CNIH3: variants seen among roughly 807,000 people sequenced by gnomAD.
The protein encoded by CNIH3 is protein cornichon homolog 3.
CNIH3 carries 14 observed loss-of-function variants against 24.1 expected under a neutral mutation model. The observed-to-expected ratio is 0.58, with a 90% confidence interval of 0.38 to 0.91. CNIH3 has a LOEUF of 0.91. Ranked by LOEUF, CNIH3 falls within the 40% of genes least tolerant of loss-of-function variation. The probability of loss-of-function intolerance (pLI) is 0.00; values close to 1 mark genes in which losing one functional copy is unlikely to be tolerated. For synonymous variants in CNIH3, 68 were observed against 73.8 expected (o/e 0.92, Z 0.40); for missense variants, 178 against 196.8 (o/e 0.90, Z 0.57).
chr1:224,527,756 C>G (rs6659109), intron 2 of CNIH3, among the ~76,000 whole-genome samples: 3,444 of 152,144 alleles, frequency 0.023, 140 homozygotes, highest in African/African-American at 0.078. Context: ...CCTAATTACC[C>G]TGATCTAATC....
At position 224,454,174 on chromosome 1, in the gene CNIH3, A is replaced by T. The variant is rs555654021; in HGVS notation, n.203+19312A>T. 1.5e-3 allele frequency: 622 copies of T among 426,664 alleles called. 4 individuals carry two copies. Among genetic ancestry groups the T allele is most frequent in the African/African-American group, 0.013 (580 of 46,132 alleles). The allele number at this position is 426,664 out of a possible 1,614,324, so 26.4% of individuals were successfully genotyped here. On this transcript the variant is annotated intron_variant and non_coding_transcript_variant, in intron 1 of 5. Coordinates refer to the CNIH3 transcript ENST00000471578. ...GCAACACCCAAAATGTCCCTTACTC[A>T]TGGTTCCTTGAGTAAAAGGTGCTAT... is the stretch of plus-strand genomic sequence containing the variant.
chr1:224,591,145 A>G (rs1424481074), downstream of CNIH3, among the ~76,000 whole-genome samples: 1 of 152,156 alleles, frequency 6.6e-6, no homozygotes, highest in Non-Finnish European at 1.5e-5. Context: ...GATCAATGAA[A>G]ACAACATGCA....
At chr1:224,678,700 G>A (rs1686253680) in intron 1 of CNIH3, among the ~76,000 whole-genome samples, 1 of 151,748 alleles carries the variant, frequency 6.6e-6, no homozygotes, top group Non-Finnish European at 1.5e-5. Context: ...TGTGGTGATG[G>A]GGATGTTTTA....
chr1:224,735,007 C>T (rs773702234), intron 5 of CNIH3, among the ~76,000 whole-genome samples: 5 of 152,188 alleles, frequency 3.3e-5, no homozygotes, highest in South Asian at 2.1e-4. Flanking sequence ...GTTGGCTACT[C>T]CTTCTTCCCT....
chr1:224,643,077 G>A (rs1684436704), intron 1 of CNIH3, among the ~76,000 whole-genome samples: 1 of 152,178 alleles, frequency 6.6e-6, no homozygotes, highest in African/African-American at 2.4e-5. Context: ...CGGCCCTTCT[G>A]TGGCCTTGTT....
At chr1:224,534,783 G>T (rs529506946) in intron 2 of CNIH3, among the ~76,000 whole-genome samples, 3 of 152,226 alleles carry the variant, frequency 2.0e-5, no homozygotes, top group Admixed American at 2.0e-4. Context: ...TTACAAACTT[G>T]ACACATTACT....
chr1:224,642,322 C>A (rs1481729744), intron 1 of CNIH3, among the ~76,000 whole-genome samples: 1 of 152,192 alleles, frequency 6.6e-6, no homozygotes, highest in Non-Finnish European at 1.5e-5. Flanking sequence ...CCTCAAAGCC[C>A]TGGGCTCAAG....
intron 1 of CNIH3, among the ~76,000 whole-genome samples, chr1:224,472,593 G>A (rs917534086): frequency 2.6e-5 from 4 of 152,096 alleles, no homozygotes; most frequent in South Asian, 2.1e-4. Context: ...CTATCAGGAC[G>A]CAAAGGCATA....
At chr1:224,453,468 G>A (rs147799401) in intron 1 of CNIH3, among the ~76,000 whole-genome samples, 49 of 152,034 alleles carry the variant, frequency 3.2e-4, no homozygotes, top group African/African-American at 8.0e-4. Context: ...GGTTACAGAC[G>A]TGAGCCACTC....
At chr1:224,582,229 T>G (rs897181286) in intron 4 of CNIH3, among the ~76,000 whole-genome samples, 1 of 152,220 alleles carries the variant, frequency 6.6e-6, no homozygotes, top group Non-Finnish European at 1.5e-5. Flanking sequence ...GGTTTATTTA[T>G]TTCTTTTAAC....
chr1:224,574,753 T>A (rs1680963848), intron 4 of CNIH3: 1 of 1,166,022 alleles, frequency 8.6e-7, no homozygotes, highest in Non-Finnish European at 1.3e-6. Context: ...TACCTGGACC[T>A]CTACCTTATT....
intron 1 of CNIH3, among the ~76,000 whole-genome samples, chr1:224,506,001 G>T (rs544582844): frequency 5.9e-5 from 9 of 152,298 alleles, no homozygotes; most frequent in African/African-American, 1.9e-4. Flanking sequence ...CACTTTGGAA[G>T]TATACTCCCT....
chr1:224,490,452 G>C (rs1045079087), intron 1 of CNIH3, among the ~76,000 whole-genome samples: 2 of 152,182 alleles, frequency 1.3e-5, no homozygotes, highest in South Asian at 4.1e-4. Context: ...CATGGGATGT[G>C]GCCCAGGAGG....
intron 1 of CNIH3, among the ~76,000 whole-genome samples, chr1:224,473,752 C>G (rs910640717): frequency 2.0e-5 from 3 of 152,122 alleles, no homozygotes; most frequent in Non-Finnish European, 4.4e-5. Context: ...GACAGAAAAT[C>G]AACAAAGAAA....
intron 1 of CNIH3, chr1:224,661,276 C>CT: frequency 1.6e-5 from 5 of 304,024 alleles, no homozygotes; most frequent in Non-Finnish European, 2.7e-5. Flanking sequence ...CTTGACAATC[C>CT]TTTTTTTAGT....
intron 1 of CNIH3, among the ~76,000 whole-genome samples, chr1:224,451,659 T>C (rs1675402325): frequency 6.6e-6 from 1 of 152,176 alleles, no homozygotes; most frequent in Non-Finnish European, 1.5e-5. Flanking sequence ...CTCTAAACTT[T>C]TCAGACAAGG....
At chr1:224,497,711 A>C (rs548083114) in intron 1 of CNIH3, among the ~76,000 whole-genome samples, 1 of 152,296 alleles carries the variant, frequency 6.6e-6, no homozygotes, top group Non-Finnish European at 1.5e-5. Context: ...TCCCTAAACT[A>C]GAGTCATGGC....
At position 224,604,268 on chromosome 1, in the gene CNIH3, A is replaced by G. The variant is rs1199075826; in HGVS notation, n.402+38004A>G. On this transcript the variant is annotated intron_variant and non_coding_transcript_variant, in intron 3 of 7. Coordinates refer to the CNIH3 transcript ENST00000478120. This position sits in a 1 kb window ranked among gnomAD's most constrained non-coding sequence, Gnocchi z 4.4. The stretch of plus-strand genomic sequence containing the variant: ...ATCAGAACAGAAATCTTTCAATAGT[A>G]TAGGAATCGCTGCAGTTATATTAAT... Among the ~76,000 whole-genome samples, 2 of 152,270 alleles carry G rather than the reference A, an allele frequency of 1.3e-5. No homozygotes were observed. Among genetic ancestry groups the G allele is most frequent in the Non-Finnish European group, 2.9e-5 (2 of 68,048 alleles).
At chr1:224,660,798 T>G (rs1685316038) in intron 1 of CNIH3, among the ~76,000 whole-genome samples, 1 of 152,208 alleles carries the variant, frequency 6.6e-6, no homozygotes, top group South Asian at 2.1e-4. Flanking sequence ...CTGGCAATAT[T>G]AACGTCATAA....
Sources: allele counts gnomAD v4.1 joint callset (sites outside exome capture counted in the v4.1 genomes callset), GRCh38; gene constraint gnomAD v4.1.1; non-coding constraint Gnocchi (gnomAD v3.1); transcripts MANE v1.5; gene names NCBI Gene and HGNC (gene_info 2026-07-23, HGNC 2026-07-21).